The following ERC2 variants were observed in gnomAD, a reference collection of about 807,000 sequenced individuals.
The protein encoded by ERC2 is ERC protein 2.
ERC2 carries 42 observed loss-of-function variants against 114.8 expected under a neutral mutation model. The ratio of observed to expected loss-of-function variants is 0.37; its 90% CI spans 0.29 to 0.47. The LOEUF is 0.47. ERC2 is among the 20% of genes least tolerant of loss of function. ERC2 has a pLI of 0.99. For synonymous variants in ERC2, 454 were observed against 425.5 expected (o/e 1.07, Z -0.82); for missense variants, 939 against 1,150.7 (o/e 0.82, Z 2.66).
In ERC2 at chr3:56,288,917, T is replaced by G. The variant is rs146856007; in HGVS notation, c.1074+7102A>C. 5.2e-3 allele frequency among the ~76,000 whole-genome samples: 797 copies of G among 152,226 alleles called. 4 individuals are homozygous for G. Among genetic ancestry groups the G allele is most frequent in the African/African-American group, 0.018 (740 of 41,544 alleles). On this transcript the variant is annotated intron_variant, in intron 3 of 17. Coordinates refer to ENST00000288221, the MANE Select transcript of ERC2 (RefSeq NM_015576.3). Reference sequence around the variant, plus strand: ...TTCAATTCTAGTGGTTAAATACTAGTAGGAGTAAATGAAAAGGCATGCCTT... The same window carrying G: ...TTCAATTCTAGTGGTTAAATACTAGGAGGAGTAAATGAAAAGGCATGCCTT...
intron 2 of ERC2, among the ~76,000 whole-genome samples, chr3:56,363,155 G>A (rs1222222061): frequency 3.9e-5 from 6 of 152,116 alleles, no homozygotes; most frequent in African/African-American, 1.2e-4. Context: ...GGATCAAGAT[G>A]GAAAGGAATG....
chr3:55,710,415 T>C (rs147928913), intron 15 of ERC2, among the ~76,000 whole-genome samples: 3 of 152,234 alleles, frequency 2.0e-5, no homozygotes, highest in African/African-American at 7.2e-5. Flanking sequence ...CTGACAGAAA[T>C]CCAATTTCCA....
intron 15 of ERC2, among the ~76,000 whole-genome samples, chr3:55,727,329 G>T (rs1049291203): frequency 3.9e-5 from 6 of 152,186 alleles, no homozygotes; most frequent in African/African-American, 1.4e-4. Flanking sequence ...CTGCAAGCAA[G>T]ATTATTTTTA....
chr3:56,363,316 A>G (rs916830687), intron 2 of ERC2, among the ~76,000 whole-genome samples: 2 of 152,216 alleles, frequency 1.3e-5, no homozygotes, highest in African/African-American at 4.8e-5. Flanking sequence ...CAGTATTTCA[A>G]TCTTAGAATT....
intron 14 of ERC2, among the ~76,000 whole-genome samples, chr3:55,836,374 C>A (rs1428432359): frequency 6.6e-6 from 1 of 152,050 alleles, no homozygotes; most frequent in Non-Finnish European, 1.5e-5. Flanking sequence ...CTACAGTAAC[C>A]AAAACAGCAT....
chr3:55,636,036 C>A (rs1215914042), intron 17 of ERC2, among the ~76,000 whole-genome samples: 1 of 151,684 alleles, frequency 6.6e-6, no homozygotes, highest in East Asian at 1.9e-4. Flanking sequence ...CCACCATGCC[C>A]GGCTAATTTT....
At chr3:56,371,115 G>C (rs2059347671) in intron 2 of ERC2, among the ~76,000 whole-genome samples, 1 of 152,096 alleles carries the variant, frequency 6.6e-6, no homozygotes, top group Non-Finnish European at 1.5e-5. Flanking sequence ...TTCCAGAATT[G>C]GTCAGCCACT....
At chr3:55,787,578 A>G (rs2069617123) in intron 14 of ERC2, among the ~76,000 whole-genome samples, 2 of 152,134 alleles carry the variant, frequency 1.3e-5, no homozygotes, top group South Asian at 2.1e-4. Flanking sequence ...AACTTTTCAT[A>G]TATTTTACCT....
intron 17 of ERC2, among the ~76,000 whole-genome samples, chr3:55,593,436 T>A (rs77954711): frequency 0.025 from 3,834 of 152,244 alleles, 120 homozygotes; most frequent in African/African-American, 0.069. Context: ...TCCTTCATGG[T>A]GTCCCTTAGC....
At chr3:55,531,641 C>T (rs1286794621) in intron 17 of ERC2, among the ~76,000 whole-genome samples, 1 of 152,214 alleles carries the variant, frequency 6.6e-6, no homozygotes, top group Non-Finnish European at 1.5e-5. Context: ...CAGATACTCA[C>T]GATCTCATCA....
At chr3:56,121,150 T>C (rs1446977501) in intron 6 of ERC2, among the ~76,000 whole-genome samples, 1 of 152,174 alleles carries the variant, frequency 6.6e-6, no homozygotes, top group Non-Finnish European at 1.5e-5. Flanking sequence ...GATAGTTCTA[T>C]CTATTTTGCA....
At chr3:56,311,394 G>T (rs940532985) in intron 2 of ERC2, among the ~76,000 whole-genome samples, 1 of 125,776 alleles carries the variant, frequency 8.0e-6, no homozygotes, top group Non-Finnish European at 1.7e-5. Flanking sequence ...CTGCCTCCCA[G>T]GTTCAGCCAT....
intron 7 of ERC2, among the ~76,000 whole-genome samples, chr3:56,035,090 AAATG>A (rs2149639441): frequency 6.6e-6 from 1 of 152,168 alleles, no homozygotes; most frequent in South Asian, 2.1e-4. Context: ...GACTAATAAA[AAATG>A]AGAGAAGCCT....
chr3:55,562,947 G>A (rs1384636384), intron 17 of ERC2, among the ~76,000 whole-genome samples: 2 of 152,126 alleles, frequency 1.3e-5, no homozygotes, highest in African/African-American at 4.8e-5. Context: ...ATCCACTGTA[G>A]TCCAGTTTGG....
intron 2 of ERC2, among the ~76,000 whole-genome samples, chr3:56,375,577 T>C (rs1346358385): frequency 1.3e-5 from 2 of 152,158 alleles, no homozygotes; most frequent in Non-Finnish European, 2.9e-5. Flanking sequence ...AGGCTGTTGA[T>C]GGAAGGCAAT....
intron 3 of ERC2, among the ~76,000 whole-genome samples, chr3:56,237,785 G>A (rs1351677597): frequency 6.6e-6 from 1 of 152,072 alleles, no homozygotes; most frequent in Admixed American, 6.5e-5. Context: ...CGACGTACAT[G>A]TGAGTTTTAA....
chr3:56,292,595 G>GC (rs1401638289), intron 3 of ERC2, among the ~76,000 whole-genome samples: 2 of 140,162 alleles, frequency 1.4e-5, no homozygotes, highest in East Asian at 2.4e-4. Context: ...GTCCCCCACC[G>GC]CCCCCCGCAA....
intron 2 of ERC2, among the ~76,000 whole-genome samples, chr3:56,421,925 T>C (rs934683997): frequency 2.6e-5 from 4 of 152,100 alleles, no homozygotes; most frequent in African/African-American, 4.8e-5. Context: ...AGTAAATAAA[T>C]GGTCTGGATT....
chr3:55,794,230 T>C (rs774317179), intron 14 of ERC2, among the ~76,000 whole-genome samples: 2 of 152,204 alleles, frequency 1.3e-5, no homozygotes, highest in African/African-American at 2.4e-5. Context: ...TGCTATCTGG[T>C]GCCAGGAAAA....
Sources: allele counts gnomAD v4.1 joint callset (sites outside exome capture counted in the v4.1 genomes callset), GRCh38; gene constraint gnomAD v4.1.1; transcripts MANE v1.5; gene names NCBI Gene and HGNC (gene_info 2026-07-23, HGNC 2026-07-21).